The following DCDC1 variants were observed in gnomAD, a reference collection of about 807,000 sequenced individuals.
DCDC1 encodes the protein doublecortin domain containing 1.
A neutral mutation model predicts 178.3 loss-of-function variants in DCDC1; 200 were observed. That is an observed-to-expected ratio of 1.12 (90% CI 1.00 to 1.26). DCDC1 has a LOEUF of 1.26. Ranked by LOEUF, DCDC1 falls within the 50% of genes most tolerant of loss-of-function variation. DCDC1 has a pLI of 0.00. For synonymous variants in DCDC1, 690 were observed against 604.8 expected (o/e 1.14, Z -2.07); for missense variants, 1,983 against 1,749.2 (o/e 1.13, Z -2.38).
intron 2 of DCDC1, among the ~76,000 whole-genome samples, chr11:31,328,934 ACAC>A (rs1949799348): frequency 7.3e-6 from 1 of 137,208 alleles, no homozygotes; most frequent in Non-Finnish European, 1.5e-5. Context: ...CTGAAAAAGC[ACAC>A]CACAAGGCTT....
At chr11:30,946,226 A>C (rs1444697305) in intron 21 of DCDC1, among the ~76,000 whole-genome samples, 1 of 152,160 alleles carries the variant, frequency 6.6e-6, no homozygotes, top group Non-Finnish European at 1.5e-5. Context: ...GCACCTGCTT[A>C]CCACCAGCAG....
intron 7 of DCDC1, among the ~76,000 whole-genome samples, chr11:31,266,197 G>T (rs1421112127): frequency 6.6e-6 from 1 of 152,012 alleles, no homozygotes; most frequent in Non-Finnish European, 1.5e-5. Flanking sequence ...CACATTTCAG[G>T]TTTTCCATGA....
At chr11:31,359,003 C>A (rs1361999501) in intron 1 of DCDC1, among the ~76,000 whole-genome samples, 3 of 152,260 alleles carry the variant, frequency 2.0e-5, no homozygotes, top group Middle Eastern at 3.4e-3. Context: ...AAACTAGTTC[C>A]ACCATTGTGG....
intron 20 of DCDC1, among the ~76,000 whole-genome samples, chr11:31,017,300 A>G (rs1331077590): frequency 6.6e-6 from 1 of 152,048 alleles, no homozygotes. Context: ...TCCTCAGCCC[A>G]CTCAACATGA....
intron 9 of DCDC1, among the ~76,000 whole-genome samples, chr11:31,214,377 G>A (rs1165241203): frequency 6.6e-6 from 1 of 152,226 alleles, no homozygotes; most frequent in South Asian, 2.1e-4. Context: ...AATGTATAAT[G>A]TAAAAGTAGA....
intron 9 of DCDC1, among the ~76,000 whole-genome samples, chr11:31,214,886 T>C (rs892299618): frequency 2.0e-5 from 3 of 151,792 alleles, no homozygotes; most frequent in African/African-American, 4.8e-5. Context: ...ACATAAGAAA[T>C]AAATTACTAT....
chr11:31,062,958 C>A (rs1956030202), intron 20 of DCDC1, among the ~76,000 whole-genome samples: 1 of 122,074 alleles, frequency 8.2e-6, no homozygotes, highest in African/African-American at 3.1e-5. Context: ...CCCCCCACCC[C>A]ACAACAGTCC....
intron 2 of DCDC1, among the ~76,000 whole-genome samples, chr11:31,335,214 C>A (rs564727726): frequency 6.6e-6 from 1 of 152,318 alleles, no homozygotes; most frequent in East Asian, 1.9e-4. Flanking sequence ...GAAGCAGGTG[C>A]GGGATATAAT....
In DCDC1 at chr11:31,077,451, T is replaced by C. The variant is rs112156332; in HGVS notation, c.2298+414A>G. 4.4e-3 allele frequency among the ~76,000 whole-genome samples: 670 copies of C among 152,322 alleles called. 3 individuals are homozygous for C. Among genetic ancestry groups the C allele is most frequent in the African/African-American group, 0.015 (638 of 41,578 alleles). ...AATTAGTATTGCTATTAACATTTTATTAATTTATTGTTTCCTTAATATATG... is the reference window on the plus strand; with the variant it reads ...AATTAGTATTGCTATTAACATTTTACTAATTTATTGTTTCCTTAATATATG... On this transcript the variant is annotated intron_variant, in intron 18 of 38. Transcript: ENST00000684477.
At chr11:31,361,031 T>C (rs772630559) in intron 1 of DCDC1, among the ~76,000 whole-genome samples, 14 of 152,218 alleles carry the variant, frequency 9.2e-5, no homozygotes, top group Non-Finnish European at 1.8e-4. Context: ...ATTTGCTTTT[T>C]CATTATGATA....
chr11:30,872,900 C>T (rs1941716998), intron 38 of DCDC1, among the ~76,000 whole-genome samples: 2 of 151,934 alleles, frequency 1.3e-5, no homozygotes, highest in South Asian at 2.1e-4. Context: ...CCCCAGCACA[C>T]AGCATGAGCC....
chr11:30,961,774 T>C (rs548175779), intron 20 of DCDC1, among the ~76,000 whole-genome samples: 3 of 151,982 alleles, frequency 2.0e-5, no homozygotes, highest in Admixed American at 1.3e-4. Context: ...GAAAAATAAA[T>C]ATATAGATTG....
intron 1 of DCDC1, among the ~76,000 whole-genome samples, chr11:31,339,772 A>C (rs1185426452): frequency 6.6e-6 from 1 of 152,222 alleles, no homozygotes; most frequent in Non-Finnish European, 1.5e-5. Flanking sequence ...ACAGGACTAA[A>C]GTAGATAGTT....
At chr11:31,280,798 ATCC>A (rs2137275997) in intron 7 of DCDC1, 1 of 615,430 alleles carries the variant, frequency 1.6e-6, no homozygotes, top group East Asian at 3.9e-5. Flanking sequence ...CCATCAGTGT[ATCC>A]TCTCCCCAGG....
At position 31,089,161 on chromosome 11, in the gene DCDC1, T is replaced by C. The variant is rs180850529; in HGVS notation, c.2237+2232A>G. Reference sequence around the variant, plus strand: ...GTTTGTGAATATCTTAAGGTCTTTATATTGCCTTAATTTTTGAAAGACATT... The same window carrying C: ...GTTTGTGAATATCTTAAGGTCTTTACATTGCCTTAATTTTTGAAAGACATT... On this transcript the variant is annotated intron_variant, in intron 17 of 38. Coordinates refer to ENST00000684477, the MANE Select transcript of DCDC1 (RefSeq NM_001387274.1). 9.8e-5 allele frequency among the ~76,000 whole-genome samples: 15 copies of C among 152,302 alleles called. No individual in the cohort carries two copies. The East Asian group carries it at 2.9e-3, about 29-fold the overall frequency.
At chr11:30,894,151 A>G (rs1944010409) in intron 35 of DCDC1, 97 bp downstream of exon 35, 6 of 1,461,002 alleles carry the variant, frequency 4.1e-6, no homozygotes, top group Admixed American at 2.3e-5. Context: ...AGATGCTGAG[A>G]ATATATTAAC....
rs369097377 is a variant in DCDC1 at position 31,305,729 on chromosome 11, G to A, written c.640C>T (p.Arg214Ter). 3.1e-5 allele frequency: 50 copies of A among 1,613,596 alleles called. 2 individuals carry two copies. In the South Asian group the frequency reaches 4.2e-4, roughly 13 times the overall value. ...EKLNLNMAARRVFLADGKEAL... is the reference protein window; with the variant it reads ...EKLNLNMAAR ...TCCTTGCCGTCTGCCAAGAACACTC[G>A]TCTTGCGGCCATGTTCAGATTCAGC... Residue 214 changes from arginine to a stop codon, truncating the protein, a stop_gained, in exon 6 of 39, where the codon CGA (arginine) becomes TGA (stop). Coordinates refer to ENST00000684477, the MANE Select transcript of DCDC1 (RefSeq NM_001387274.1). LOFTEE classifies it high-confidence loss of function.
intron 9 of DCDC1, among the ~76,000 whole-genome samples, chr11:31,228,098 T>C (rs866483604): frequency 4.4e-4 from 67 of 152,060 alleles, no homozygotes; most frequent in African/African-American, 1.5e-3. Context: ...TCAACTAGCT[T>C]GAACAAACTG....
At chr11:31,122,027 A>T (rs1414023055) in intron 11 of DCDC1, among the ~76,000 whole-genome samples, 1 of 152,158 alleles carries the variant, frequency 6.6e-6, no homozygotes, top group Non-Finnish European at 1.5e-5. Flanking sequence ...GCCCTTGCCC[A>T]CAGTGAGTCA....
Sources: allele counts gnomAD v4.1 joint callset (sites outside exome capture counted in the v4.1 genomes callset), GRCh38; gene constraint gnomAD v4.1.1; transcripts MANE v1.5; gene names NCBI Gene and HGNC (gene_info 2026-07-23, HGNC 2026-07-21).